Variants in TMEM63A observed in about 807,000 individuals in gnomAD.
TMEM63A encodes transmembrane protein 63A.
TMEM63A carries 76 observed loss-of-function variants against 100.6 expected under a neutral mutation model. The observed-to-expected ratio is 0.76, with a 90% CI of 0.63 to 0.91. The LOEUF is 0.91. TMEM63A is among the 40% of genes least tolerant of loss of function. The pLI is 0.00. For missense variants in TMEM63A, 876 were observed against 1,008.8 expected (o/e 0.87, Z 1.78); for synonymous variants, 401 against 401.1 (o/e 1.00, Z 0.00).
At chr1:225,852,891 C>T (rs1261676801) in intron 19 of TMEM63A, 122 bp from the exon 20 acceptor site, 2 of 787,394 alleles carry the variant, frequency 2.5e-6, no homozygotes, top group Admixed American at 4.2e-5. Flanking sequence ...AGATGCGTGG[C>T]TCCCCGCCTC....
chr1:225,843,493 C>T (rs997655509), downstream of TMEM63A, among the ~76,000 whole-genome samples: 52 of 152,208 alleles, frequency 3.4e-4, no homozygotes, highest in African/African-American at 1.2e-3. Context: ...CCCTGCCCTA[C>T]ATTCAGCAGG....
rs138154690 is a variant in TMEM63A, at chr1:225,855,913, A to C, written c.1599T>G (p.Phe533Leu). 216 of 1,614,048 alleles carry C rather than the reference A, an allele frequency of 1.3e-4. No homozygotes were observed. The highest frequency in any genetic ancestry group is 1.8e-4 in the Non-Finnish European group (210 of 1,180,020). The change falls in exon 18 of 25, where the codon TTT (phenylalanine) becomes TTG (leucine). Residue 533 changes from phenylalanine to leucine, a missense_variant. This residue lies in a region of TMEM63A where 4 missense variants were observed against 17.2 expected (regional missense o/e 0.23). Coordinates refer to ENST00000366835, the MANE Select transcript of TMEM63A (RefSeq NM_014698.3). ...TGGAGGCCTCCGAGGAAGTTTTGTC[A>C]AAGAGCCACCGGAAGAAAAAATCTA... Reference protein sequence around the residue: ...TSLDFFFRWLFDKTSSEASIR... With the variant: ...TSLDFFFRWLLDKTSSEASIR...
chr1:225,845,341 G>C, downstream of TMEM63A: 1 of 1,608,534 alleles, frequency 6.2e-7, no homozygotes, highest in Non-Finnish European at 8.5e-7. Flanking sequence ...TGCTGGAGCG[G>C]CAATGACCCA....
At chr1:225,844,547 A>G (rs1668758788), downstream of TMEM63A, 8 of 1,614,018 alleles carry the variant, frequency 5.0e-6, no homozygotes, top group South Asian at 1.1e-5. Flanking sequence ...CTACTGGACA[A>G]CAGGCACCAT....
chr1:225,845,944 T>A lies in TMEM63A; in HGVS notation c.*995A>T, dbSNP rs3738050. 7,070 of 167,076 alleles carry A rather than the reference T, an allele frequency of 0.042. 245 individuals carry two copies. Among genetic ancestry groups the A allele is most frequent in the East Asian group, 0.14 (840 of 5,958 alleles). 10.3% of individuals were successfully genotyped at this position (167,076 alleles called of 1,614,324 possible). On this transcript the variant is annotated 3_prime_UTR_variant, in exon 25 of 25. Coordinates refer to ENST00000366835, the MANE Select transcript of TMEM63A (RefSeq NM_014698.3). ...CTCTTCCACACCCCCATCCCGCCCC[T>A]ACTGCACAGGCTTGTGCCTTGGTGC...
intron 2 of TMEM63A, among the ~76,000 whole-genome samples, chr1:225,878,299 C>T (rs1670914994): frequency 6.6e-6 from 1 of 152,172 alleles, no homozygotes; most frequent in Admixed American, 6.5e-5. Flanking sequence ...TCTCTTTTTA[C>T]TTTGCCACAG....
Position 225,874,277 on chromosome 1 carries a change from T to C in TMEM63A, c.266+11A>G, listed in dbSNP as rs1463700435. On this transcript the variant is annotated intron_variant, in intron 4 of 24. Coordinates refer to ENST00000366835, the MANE Select transcript of TMEM63A (RefSeq NM_014698.3). ...ACACGCATGCTCACAGCCTAGGCGA[T>C]ATGTCTTTACCTGTCTGCTTCTGAC... is the stretch of plus-strand genomic sequence containing the variant. 6.2e-7 allele frequency: 1 copy of C among 1,612,842 alleles called. No homozygotes were observed. The highest frequency in any genetic ancestry group is 1.7e-5 in the Admixed American group (1 of 59,596).
chr1:225,845,018 CCTTTT>C, downstream of TMEM63A: 1 of 1,045,786 alleles, frequency 9.6e-7, no homozygotes, highest in Non-Finnish European at 1.5e-6. Context: ...CTGGATTTGT[CCTTTT>C]CTTTATGGCT....
chr1:225,847,373 C>T (rs1576061641), intron 23 of TMEM63A, 160 bp from the exon 24 acceptor site: 2 of 824,096 alleles, frequency 2.4e-6, no homozygotes, highest in East Asian at 5.5e-5. Flanking sequence ...GAAAATATGA[C>T]ACCTGCAGAA....
downstream of TMEM63A, among the ~76,000 whole-genome samples, chr1:225,844,828 G>T (rs45467394): frequency 0.04 from 6,111 of 152,262 alleles, 209 homozygotes; most frequent in East Asian, 0.15. Flanking sequence ...CTCCCGGGCG[G>T]CCCTCAGTAC....
At chr1:225,847,539 A>C in intron 23 of TMEM63A, 1 of 233,744 alleles carries the variant, frequency 4.3e-6, no homozygotes, top group Non-Finnish European at 8.3e-6. Flanking sequence ...GTCTACCTAT[A>C]TAGGGGGGCT....
Position 225,848,313 on chromosome 1 carries a change from G to A in TMEM63A, c.2250+179C>T, listed in dbSNP as rs1447455456. On this transcript the variant is annotated intron_variant, in intron 23 of 24. Transcript: ENST00000366835. ...CTATCTCCTCAACAGTTTCAAATAT[G>A]CAGGTTAAAATACCCAGGGGGACCA... 1.7e-5 allele frequency: 11 copies of A among 629,106 alleles called. No homozygotes were observed. The Admixed American group carries it at 3.0e-4, about 17-fold the overall frequency. The allele number at this position is 629,106 out of a possible 1,614,324, so 39.0% of individuals were successfully genotyped here. A position where few individuals can be genotyped will look rare whatever the true frequency, so the allele number is the denominator to read the frequency against.
At chr1:225,880,099 G>C (rs360101) in intron 1 of TMEM63A, among the ~76,000 whole-genome samples, 1 of 151,866 alleles carries the variant, frequency 6.6e-6, no homozygotes, top group African/African-American at 2.4e-5. Context: ...GCTTCCCAGG[G>C]TGGTTTGACA....
intron 4 of TMEM63A, among the ~76,000 whole-genome samples, chr1:225,874,073 C>T (rs2102643249): frequency 6.6e-6 from 1 of 152,248 alleles, no homozygotes; most frequent in South Asian, 2.1e-4. Context: ...TGGTACAGGC[C>T]AGGTAGATAC....
Position 225,865,827 on chromosome 1 carries a change from G to T in TMEM63A, c.746+70C>A. 6.5e-7 allele frequency: 1 copy of T among 1,537,994 alleles called. No homozygotes were observed. The highest frequency in any genetic ancestry group is 1.1e-5 in the South Asian group (1 of 87,688). On this transcript the variant is annotated intron_variant, in intron 10 of 24. Coordinates refer to ENST00000366835, the MANE Select transcript of TMEM63A (RefSeq NM_014698.3). The surrounding 1 kb of genome is among the most constrained non-coding windows in gnomAD (Gnocchi z 4.6). ...CAGAAGGCGCTCACCTAAGGTGCTCGCCCTGCGGGTGGGGCTGTGTTGGTC... is the reference window on the plus strand; with the variant it reads ...CAGAAGGCGCTCACCTAAGGTGCTCTCCCTGCGGGTGGGGCTGTGTTGGTC...
At chr1:225,878,164 G>T (rs1670909473) in intron 2 of TMEM63A, among the ~76,000 whole-genome samples, 1 of 152,170 alleles carries the variant, frequency 6.6e-6, no homozygotes, top group Admixed American at 6.5e-5. Context: ...TCAGAGATGG[G>T]TCCATCTGCT....
intron 3 of TMEM63A, among the ~76,000 whole-genome samples, chr1:225,875,832 G>A (rs959170248): frequency 2.0e-5 from 3 of 151,288 alleles, no homozygotes; most frequent in African/African-American, 7.3e-5. Context: ...GGGAGGCCAA[G>A]GCTGGTGAAT....
rs765534154 is a variant in TMEM63A, at chr1:225,856,915, T to A, written c.1480A>T (p.Thr494Ser). Reference protein sequence around the residue: ...YYSTLLESHWTKSGENQIMMT... With the variant: ...YYSTLLESHWSKSGENQIMMT... ...TCGGGGCTCCCGGGCACTCACTTGG[T>A]CCAGTGAGACTCCAGCAGTGTAGAG... Residue 494 changes from threonine to serine, a missense_variant, in exon 16 of 25, where the codon ACC (threonine) becomes TCC (serine). Transcript: ENST00000366835. 6.2e-7 allele frequency: 1 copy of A among 1,610,674 alleles called. No individual in the cohort carries two copies.
chr1:225,851,562 G>A (rs1170616451), intron 20 of TMEM63A, among the ~76,000 whole-genome samples: 1 of 152,052 alleles, frequency 6.6e-6, no homozygotes, highest in Non-Finnish European at 1.5e-5. Context: ...TAGGGACAGG[G>A]TTTCATCATA....
Sources: gnomAD v4.1 joint callset for allele counts (sites outside exome capture counted in the v4.1 genomes callset) on GRCh38, gnomAD v4.1.1 for gene constraint, gnomAD v4.1.1 regional missense constraint, Gnocchi (gnomAD v3.1) non-coding constraint, MANE v1.5 for transcripts, NCBI Gene and HGNC (gene_info 2026-07-23, HGNC 2026-07-21) for gene names.